ABCB1: variants seen among roughly 807,000 people sequenced by gnomAD.
ABCB1 encodes ATP-dependent translocase ABCB1.
Under a neutral mutation model 142.0 loss-of-function variants are expected in ABCB1, and 69 were observed. The observed-to-expected ratio is 0.49, with a 90% CI of 0.40 to 0.59. ABCB1 has a LOEUF of 0.59. Ranked by LOEUF, ABCB1 falls within the 20% of genes least tolerant of loss-of-function variation. The probability of loss-of-function intolerance (pLI) is 0.00; values close to 1 mark genes in which losing one functional copy is unlikely to be tolerated. For missense variants in ABCB1, 1,326 were observed against 1,554.7 expected (o/e 0.85, Z 2.47); for synonymous variants, 532 against 539.2 (o/e 0.99, Z 0.18).
At chr7:87,666,134 C>A (rs1283221730) in intron 1 of ABCB1, among the ~76,000 whole-genome samples, 3 of 152,112 alleles carry the variant, frequency 2.0e-5, no homozygotes, top group Non-Finnish European at 2.9e-5. Flanking sequence ...CTTTTCTCTG[C>A]AACATCTCCA....
At position 87,628,745 on chromosome 7, in the gene ABCB1, C is replaced by A. The variant is rs570176616; in HGVS notation, c.-330-27667G>T. On this transcript the variant is annotated intron_variant, in intron 1 of 28. Transcript: ENST00000265724. ...TTCCCGCGCCCCCACGGTTGCGGAC[C>A]GAGCGAGAACCCCCTTAAGCAGGTG... 9 of 905,366 alleles carry A rather than the reference C, an allele frequency of 9.9e-6. No homozygotes were observed. In the South Asian group the frequency reaches 4.0e-4, roughly 40 times the overall value. The allele number at this position is 905,366 out of a possible 1,614,324, so 56.1% of individuals were successfully genotyped here.
chr7:87,584,952 C>CA (rs1818669378), intron 4 of ABCB1, among the ~76,000 whole-genome samples: 1 of 132,130 alleles, frequency 7.6e-6, no homozygotes, highest in Admixed American at 7.4e-5. Context: ...TCCTAAAATA[C>CA]CCCCCCACAC....
chr7:87,581,590 G>A (rs1345619635), intron 4 of ABCB1, among the ~76,000 whole-genome samples: 1 of 152,172 alleles, frequency 6.6e-6, no homozygotes, highest in African/African-American at 2.4e-5. Flanking sequence ...TGGCTGTCAG[G>A]AAATCTGGTC....
At chr7:87,626,147 T>C (rs1193006082) in intron 1 of ABCB1, among the ~76,000 whole-genome samples, 2 of 137,588 alleles carry the variant, frequency 1.5e-5, no homozygotes, top group African/African-American at 2.9e-5. Context: ...GTGTCATATA[T>C]ATTGTCATAT....
intron 19 of ABCB1, 141 bp downstream of exon 19, chr7:87,539,127 C>A (rs1223521528): frequency 1.9e-5 from 17 of 900,852 alleles, no homozygotes; most frequent in Non-Finnish European, 3.0e-5. Flanking sequence ...GGCGGTTCAA[C>A]CGCATCTCTG....
intron 14 of ABCB1, among the ~76,000 whole-genome samples, chr7:87,546,354 C>A (rs965573624): frequency 6.6e-6 from 1 of 151,942 alleles, no homozygotes; most frequent in East Asian, 1.9e-4. Context: ...TTTGGGAGGC[C>A]AAGGTGGGTG....
chr7:87,651,022 A>G (rs1004748324), intron 1 of ABCB1: 1 of 744,336 alleles, frequency 1.3e-6, no homozygotes, highest in African/African-American at 1.8e-5. Context: ...AGTCTGTGTG[A>G]CTTAGATAGC....
chr7:87,694,674 T>C (rs1828335368), intron 1 of ABCB1, among the ~76,000 whole-genome samples: 1 of 152,174 alleles, frequency 6.6e-6, no homozygotes, highest in Admixed American at 6.5e-5. Context: ...CATTTATGTG[T>C]AGCTCTCTGT....
At chr7:87,700,267 A>G in intron 1 of ABCB1, 2 of 579,604 alleles carry the variant, frequency 3.5e-6, no homozygotes, top group Non-Finnish European at 5.8e-6. Flanking sequence ...GAATAGGACT[A>G]GATTTGAGGC....
At chr7:87,591,623 G>A (rs928234560) in intron 3 of ABCB1, among the ~76,000 whole-genome samples, 9 of 152,038 alleles carry the variant, frequency 5.9e-5, no homozygotes, top group African/African-American at 2.2e-4. Context: ...TATTTGTAAG[G>A]TCACCAAAAT....
intron 1 of ABCB1, chr7:87,628,771 TGGG>T (rs1313306306): frequency 1.8e-6 from 2 of 1,098,406 alleles, no homozygotes; most frequent in Admixed American, 8.5e-5. Flanking sequence ...TAAGCAGGTG[TGGG>T]GGGCGTGCGG....
At chr7:87,580,152 T>C (rs988384277) in intron 4 of ABCB1, among the ~76,000 whole-genome samples, 2 of 152,222 alleles carry the variant, frequency 1.3e-5, no homozygotes, top group African/African-American at 4.8e-5. Context: ...GTTTTGTACC[T>C]TCAGATGATT....
chr7:87,653,303 A>C (rs1823763477), intron 1 of ABCB1, among the ~76,000 whole-genome samples: 1 of 152,104 alleles, frequency 6.6e-6, no homozygotes, highest in South Asian at 2.1e-4. Flanking sequence ...AAGCCACTGC[A>C]AAAGCTGGAT....
intron 4 of ABCB1, among the ~76,000 whole-genome samples, chr7:87,577,172 G>A (rs1476531547): frequency 6.6e-6 from 1 of 152,052 alleles, no homozygotes. Flanking sequence ...TGTGAAGTTC[G>A]TCTTTCTGTG....
At chr7:87,689,469 A>G (rs952109586) in intron 1 of ABCB1, among the ~76,000 whole-genome samples, 1 of 152,096 alleles carries the variant, frequency 6.6e-6, no homozygotes, top group Non-Finnish European at 1.5e-5. Flanking sequence ...TTGCTACATA[A>G]TTCAACAATT....
intron 7 of ABCB1, chr7:87,563,349 A>G (rs1817650207): frequency 2.2e-6 from 1 of 455,288 alleles, no homozygotes; most frequent in Admixed American, 2.4e-5. Flanking sequence ...AACCTGGCAG[A>G]GATACAACAA....
chr7:87,625,293 C>T (rs1285551519), intron 1 of ABCB1, among the ~76,000 whole-genome samples: 3 of 152,004 alleles, frequency 2.0e-5, no homozygotes, highest in African/African-American at 4.8e-5. Flanking sequence ...AACACGATTA[C>T]CTCATCATTT....
chr7:87,546,058 T>G, intron 14 of ABCB1, 34 bp from the exon 15 acceptor site: 1 of 1,606,358 alleles, frequency 6.2e-7, no homozygotes, highest in Non-Finnish European at 8.5e-7. Context: ...TTGAATACAT[T>G]AACAATTACC....
chr7:87,618,229 G>A (rs28381777), intron 1 of ABCB1, among the ~76,000 whole-genome samples: 2,016 of 151,968 alleles, frequency 0.013, 46 homozygotes, highest in African/African-American at 0.046. Context: ...TTTATCATAC[G>A]GTATAAATAT....
Sources: gnomAD v4.1 joint callset for allele counts (sites outside exome capture counted in the v4.1 genomes callset) on GRCh38, gnomAD v4.1.1 for gene constraint, MANE v1.5 for transcripts, NCBI Gene and HGNC (gene_info 2026-07-23, HGNC 2026-07-21) for gene names.